AKAP19: variants seen among roughly 807,000 people sequenced by gnomAD.
The protein encoded by AKAP19 is A-kinase anchoring protein 19.
the AKAP19 span, among the ~76,000 whole-genome samples, chr2:190,063,229 A>G: frequency 2.0e-5 from 3 of 152,126 alleles, no homozygotes; most frequent in African/African-American, 4.8e-5. Flanking sequence ...AAAAGTTAAG[A>G]TTATGATACT....
At chr2:189,903,705 A>G in the AKAP19 span, among the ~76,000 whole-genome samples, 4 of 152,090 alleles carry the variant, frequency 2.6e-5, no homozygotes, top group African/African-American at 7.2e-5. Flanking sequence ...GCACTATTAT[A>G]TGATGCTGAG....
the AKAP19 span, among the ~76,000 whole-genome samples, chr2:190,130,098 G>A: frequency 6.6e-6 from 1 of 152,084 alleles, no homozygotes; most frequent in South Asian, 2.1e-4. Context: ...TGAAACCAGG[G>A]CAGGCTAAGT....
chr2:190,111,789 C>A, the AKAP19 span, among the ~76,000 whole-genome samples: 1 of 152,184 alleles, frequency 6.6e-6, no homozygotes, highest in Admixed American at 6.5e-5. Flanking sequence ...TACACACACA[C>A]AAAACCTAAA....
At chr2:190,196,237 T>C in the AKAP19 span, among the ~76,000 whole-genome samples, 1 of 152,100 alleles carries the variant, frequency 6.6e-6, no homozygotes, top group East Asian at 1.9e-4. Context: ...CTTTAGTGGC[T>C]GCTCTATGTT....
the AKAP19 span, among the ~76,000 whole-genome samples, chr2:190,069,498 G>A: frequency 0.024 from 3,710 of 152,128 alleles, 159 homozygotes; most frequent in East Asian, 0.18. Context: ...ATGTATAGTT[G>A]TAAAACCATT....
At chr2:189,959,405 A>G in the AKAP19 span, among the ~76,000 whole-genome samples, 9 of 152,300 alleles carry the variant, frequency 5.9e-5, no homozygotes, top group African/African-American at 1.9e-4. Context: ...ACTTTATTTA[A>G]CAGATCAATT....
At chr2:189,903,105 A>G in the AKAP19 span, among the ~76,000 whole-genome samples, 1 of 151,938 alleles carries the variant, frequency 6.6e-6, no homozygotes, top group Non-Finnish European at 1.5e-5. Context: ...AATTATTTAT[A>G]AATGGAAAAT....
chr2:189,911,748 A>C, the AKAP19 span, among the ~76,000 whole-genome samples: 2 of 152,102 alleles, frequency 1.3e-5, no homozygotes. Context: ...GTCTTTAATG[A>C]CAATTCATTT....
At chr2:190,040,592 T>C in the AKAP19 span, among the ~76,000 whole-genome samples, 1 of 152,230 alleles carries the variant, frequency 6.6e-6, no homozygotes, top group Admixed American at 6.5e-5. Flanking sequence ...ATGAAATCTT[T>C]GCCTATTCTT....
At chr2:189,919,288 T>C in the AKAP19 span, among the ~76,000 whole-genome samples, 7 of 152,212 alleles carry the variant, frequency 4.6e-5, no homozygotes, top group Non-Finnish European at 8.8e-5. Context: ...GGGTTTCCTT[T>C]TGAGCATTAA....
chr2:189,961,825 T>G, the AKAP19 span, among the ~76,000 whole-genome samples: 1 of 151,500 alleles, frequency 6.6e-6, no homozygotes, highest in Admixed American at 6.6e-5. Context: ...GGCAGGAGAA[T>G]CACTTGAACC....
At chr2:190,130,197 C>A in the AKAP19 span, among the ~76,000 whole-genome samples, 1 of 152,136 alleles carries the variant, frequency 6.6e-6, no homozygotes, top group Non-Finnish European at 1.5e-5. Flanking sequence ...TCTCACCCAT[C>A]TACTGAAATT....
the AKAP19 span, among the ~76,000 whole-genome samples, chr2:190,003,732 T>C: frequency 6.6e-6 from 1 of 151,944 alleles, no homozygotes; most frequent in Non-Finnish European, 1.5e-5. Context: ...GGTGTGGTGG[T>C]ACGCGTCTGT....
At chr2:189,919,398 T>G in the AKAP19 span, among the ~76,000 whole-genome samples, 14 of 152,230 alleles carry the variant, frequency 9.2e-5, no homozygotes, top group Admixed American at 7.2e-4. Flanking sequence ...GTTAATTTTA[T>G]GTGAATTTTT....
At chr2:190,047,226 C>T in the AKAP19 span, among the ~76,000 whole-genome samples, 1 of 152,134 alleles carries the variant, frequency 6.6e-6, no homozygotes, top group Non-Finnish European at 1.5e-5. Flanking sequence ...TGGAAGACAC[C>T]CTGCTCTTCC....
At chr2:190,097,148 T>G in the AKAP19 span, among the ~76,000 whole-genome samples, 1 of 152,194 alleles carries the variant, frequency 6.6e-6, no homozygotes, top group African/African-American at 2.4e-5. Flanking sequence ...CATGGTGGTT[T>G]GCTGCATAGA....
chr2:190,057,623 C>T, the AKAP19 span: 3 of 1,613,170 alleles, frequency 1.9e-6, no homozygotes, highest in Non-Finnish European at 2.5e-6. Context: ...GTTACCTTGA[C>T]CTCTAAAAAC....
chr2:190,124,927 A>G, the AKAP19 span, among the ~76,000 whole-genome samples: 1 of 152,014 alleles, frequency 6.6e-6, no homozygotes, highest in African/African-American at 2.4e-5. Flanking sequence ...AAACACACAC[A>G]TTAGCCTAGG....
At chr2:190,192,452 C>CTGTGTGTGTGTGTGTGTGTGTGTG in the AKAP19 span, among the ~76,000 whole-genome samples, 289 of 145,334 alleles carry the variant, frequency 2.0e-3, 1 homozygote, top group African/African-American at 6.7e-3. Context: ...AATTCAGAAT[C>CTGTGTGTGTGTGTGTGTGTGTGTG]TGTGTGTGTG....
Sources: gnomAD v4.1 joint callset for allele counts (sites outside exome capture counted in the v4.1 genomes callset) on GRCh38, gnomAD v4.1.1 for gene constraint, MANE v1.5 for transcripts, NCBI Gene and HGNC (gene_info 2026-07-23, HGNC 2026-07-21) for gene names.